Variants in MBP observed in about 807,000 individuals in gnomAD.
MBP encodes Golli-MBP.
Under a neutral mutation model 35.8 loss-of-function variants are expected in MBP, and 16 were observed. The ratio of observed to expected loss-of-function variants is 0.45; its 90% CI spans 0.30 to 0.68. The LOEUF (loss-of-function observed/expected upper bound fraction) is 0.68, where lower values mean the gene tolerates loss of function less well. Among genes scored for constraint, MBP ranks in the 30% least tolerant of loss-of-function variants. The probability of loss-of-function intolerance (pLI) is 0.08; values close to 1 mark genes in which losing one functional copy is unlikely to be tolerated. For missense variants in MBP, 380 were observed against 404.7 expected, an observed-to-expected ratio of 0.94 and a Z score of 0.52; for synonymous variants, 143 against 159.6, an observed-to-expected ratio of 0.90 and a Z score of 0.78.
At chr18:77,048,436 T>C (rs1218007536) in intron 3 of MBP, among the ~76,000 whole-genome samples, 6 of 152,236 alleles carry the variant, frequency 3.9e-5, no homozygotes, top group Admixed American at 3.3e-4. Flanking sequence ...TCTGACTTTA[T>C]GCGTCCCTAA....
chr18:76,988,643 ACCC>A lies in MBP; in HGVS notation c.718-119_718-117del. ...AGCTGAGGTGGTAAAAACAGGTTCC[ACCC>A]GGAGCTCCGAGGGGGGCCGCAGGCT... On this transcript the variant is annotated intron_variant, in intron 6 of 8. Coordinates refer to ENST00000355994, the MANE Select transcript of MBP (RefSeq NM_001025101.2). This position sits in a 1 kb window ranked among gnomAD's most constrained non-coding sequence, Gnocchi z 5.2. The A allele has an allele frequency of 6.6e-7, 1 of 1,511,150 alleles. No individual in the cohort carries two copies. Among genetic ancestry groups the A allele is most frequent in the Middle Eastern group, 1.8e-4 (1 of 5,466 alleles). 93.6% of individuals were successfully genotyped at this position (1,511,150 alleles called of 1,614,324 possible).
At chr18:76,991,897 C>T (rs1215173010) in intron 4 of MBP, among the ~76,000 whole-genome samples, 2 of 152,202 alleles carry the variant, frequency 1.3e-5, no homozygotes, top group Non-Finnish European at 2.9e-5. Context: ...GCCTAACTCG[C>T]CCTGAAAAGT....
chr18:76,992,645 C>T (rs981118993), intron 4 of MBP, among the ~76,000 whole-genome samples: 2 of 152,204 alleles, frequency 1.3e-5, no homozygotes, highest in Admixed American at 6.5e-5. Context: ...ATTCAGCACC[C>T]AGAGCAGAGC....
In MBP at chr18:77,102,692, C is replaced by T. The variant is rs1011990598; in HGVS notation, c.51+2519G>A. ...ATTAAAAACATATGTGGGTGTTTTA[C>T]AGCGTCAAACAACAGGAAAGAAACT... On this transcript the variant is annotated intron_variant, in intron 2 of 8. Coordinates refer to ENST00000355994, the MANE Select transcript of MBP (RefSeq NM_001025101.2). The surrounding 1 kb of genome is among the most constrained non-coding windows in gnomAD (Gnocchi z 4.4). 6.6e-6 allele frequency among the ~76,000 whole-genome samples: 1 copy of T among 152,204 alleles called. No individual in the cohort carries two copies. Among genetic ancestry groups the T allele is most frequent in the Non-Finnish European group, 1.5e-5 (1 of 68,024 alleles).
intron 2 of MBP, among the ~76,000 whole-genome samples, chr18:77,100,617 C>G (rs111675660): frequency 6.6e-6 from 1 of 151,522 alleles, no homozygotes; most frequent in African/African-American, 2.4e-5. Context: ...GTGGTGTGAT[C>G]ATGGCTCACC....
At chr18:77,008,866 G>A (rs1272199685) in intron 4 of MBP, among the ~76,000 whole-genome samples, 2 of 152,206 alleles carry the variant, frequency 1.3e-5, no homozygotes. Flanking sequence ...TTTGGCATCC[G>A]CAGGCGTCCT....
chr18:76,995,780 C>A (rs1970234527), intron 4 of MBP, among the ~76,000 whole-genome samples: 1 of 152,088 alleles, frequency 6.6e-6, no homozygotes, highest in Admixed American at 6.5e-5. Context: ...TGTGAGTAGA[C>A]AAGTTCTTAG....
intron 3 of MBP, among the ~76,000 whole-genome samples, chr18:77,039,829 G>GA (rs1214221962): frequency 6.6e-6 from 1 of 152,228 alleles, no homozygotes; most frequent in African/African-American, 2.4e-5. Flanking sequence ...GAACAGAAGG[G>GA]AAACGCAGGG....
At chr18:77,066,449 G>A in intron 2 of MBP, 64 bp from the exon 3 acceptor site, 1 of 1,009,494 alleles carries the variant, frequency 9.9e-7, no homozygotes, top group Non-Finnish European at 1.6e-6. Flanking sequence ...CAAAATAATT[G>A]TAATGCATTT....
chr18:76,990,258 C>T (rs181534434), intron 4 of MBP, among the ~76,000 whole-genome samples, 198 bp from the exon 5 acceptor site: 6 of 151,582 alleles, frequency 4.0e-5, no homozygotes, highest in African/African-American at 1.5e-4. Context: ...TTCAACTCCA[C>T]GAACAGTAAG....
At chr18:77,088,460 C>T (rs1975359858) in intron 2 of MBP, among the ~76,000 whole-genome samples, 1 of 152,174 alleles carries the variant, frequency 6.6e-6, no homozygotes, top group African/African-American at 2.4e-5. Flanking sequence ...CAGGGCACAC[C>T]AGATGCTCAG....
At chr18:77,124,577 T>A (rs553569884) in intron 1 of MBP, among the ~76,000 whole-genome samples, 1 of 152,272 alleles carries the variant, frequency 6.6e-6, no homozygotes, top group African/African-American at 2.4e-5. Flanking sequence ...CCTGGGTGCC[T>A]GTCTCAGGTG....
chr18:77,119,869 G>A (rs1976834945), intron 1 of MBP, among the ~76,000 whole-genome samples: 1 of 152,184 alleles, frequency 6.6e-6, no homozygotes, highest in South Asian at 2.1e-4. Flanking sequence ...CCTTCCCTGA[G>A]CTTGAGGCTG....
chr18:77,106,141 T>C (rs545859623), intron 1 of MBP, among the ~76,000 whole-genome samples: 1 of 152,258 alleles, frequency 6.6e-6, no homozygotes, highest in South Asian at 2.1e-4. Flanking sequence ...AAGGTGTGAG[T>C]ACCCATTCTC....
At chr18:77,010,499 G>A (rs528716116) in intron 4 of MBP, among the ~76,000 whole-genome samples, 9 of 152,330 alleles carry the variant, frequency 5.9e-5, no homozygotes, top group Admixed American at 2.6e-4. Flanking sequence ...TCAGTGAACC[G>A]AGGACGGACC....
At chr18:77,067,892 ACT>A in intron 2 of MBP, 1 of 494,976 alleles carries the variant, frequency 2.0e-6, no homozygotes, top group Non-Finnish European at 4.0e-6. Context: ...ACCTAGTGTG[ACT>A]CACTTATGTA....
intron 3 of MBP, among the ~76,000 whole-genome samples, chr18:77,049,618 CAT>C (rs1274277945): frequency 6.6e-6 from 1 of 152,156 alleles, no homozygotes; most frequent in African/African-American, 2.4e-5. Flanking sequence ...CTTTTGGTCA[CAT>C]GTGGATTTAT....
chr18:77,067,292 A>C (rs1974238709), intron 2 of MBP, among the ~76,000 whole-genome samples: 1 of 152,164 alleles, frequency 6.6e-6, no homozygotes, highest in African/African-American at 2.4e-5. Context: ...TCAGACAATG[A>C]CACATGGGTA....
intron 3 of MBP, among the ~76,000 whole-genome samples, chr18:77,061,845 A>G (rs1217441925): frequency 1.3e-5 from 2 of 152,276 alleles, no homozygotes; most frequent in Non-Finnish European, 2.9e-5. Context: ...TACTTTTTAA[A>G]TAAACATTAA....
Sources: gnomAD v4.1 joint callset for allele counts (sites outside exome capture counted in the v4.1 genomes callset) on GRCh38, gnomAD v4.1.1 for gene constraint, Gnocchi (gnomAD v3.1) non-coding constraint, MANE v1.5 for transcripts, NCBI Gene and HGNC (gene_info 2026-07-23, HGNC 2026-07-21) for gene names.